The following CAPN3 variants were observed in gnomAD, a reference collection of about 807,000 sequenced individuals.
CAPN3 encodes the protein calpain 3, also known as calpain-3.
Under a neutral mutation model 114.0 loss-of-function variants are expected in CAPN3, and 88 were observed. The ratio of observed to expected loss-of-function variants is 0.77; its 90% CI spans 0.65 to 0.92. The LOEUF (loss-of-function observed/expected upper bound fraction) is 0.92. Among genes scored for constraint, CAPN3 ranks in the 40% least tolerant of loss-of-function variants. The pLI, the probability that CAPN3 is intolerant of heterozygous loss-of-function variation, is 0.00. For missense variants in CAPN3, 1,028 were observed against 1,069.0 expected (o/e 0.96, Z 0.53); for synonymous variants, 386 against 382.9 (o/e 1.01, Z -0.09).
chr15:42,410,943 A>G lies in CAPN3; in HGVS notation c.2323A>G (p.Met775Val). The change falls in exon 22 of 24, where the codon ATG becomes GTG. Residue 775 changes from methionine to valine, a missense_variant. Met to Val is a conservative substitution (Grantham distance 21, BLOSUM62 1). Transcript: ENST00000397163. ...TACCATGCGGTACGCAGACAAACAC[A>G]TGAACATCGACTTTGACAGTTTCAT... ...IITMRYADKHMNIDFDSFICC... is the reference protein window; with the variant it reads ...IITMRYADKHVNIDFDSFICC... 6.2e-7 allele frequency: 1 copy of G among 1,614,164 alleles called. No individual in the cohort carries two copies. Among genetic ancestry groups the G allele is most frequent in the Non-Finnish European group, 8.5e-7 (1 of 1,179,978 alleles).
At chr15:42,387,008 C>T (rs1311997037) in intron 3 of CAPN3, among the ~76,000 whole-genome samples, 3 of 152,124 alleles carry the variant, frequency 2.0e-5, no homozygotes, top group Non-Finnish European at 2.9e-5. Flanking sequence ...CACCTCAGCA[C>T]GGAAGGCCTC....
chr15:42,382,166 C>T (rs2053266397), intron 1 of CAPN3, among the ~76,000 whole-genome samples: 1 of 151,974 alleles, frequency 6.6e-6, no homozygotes, highest in African/African-American at 2.4e-5. Context: ...TAATGTTTTC[C>T]CCTTAAAAGT....
At chr15:42,398,638 T>C (rs978763594) in intron 9 of CAPN3, among the ~76,000 whole-genome samples, 24 of 137,994 alleles carry the variant, frequency 1.7e-4, no homozygotes, top group African/African-American at 2.7e-4. Flanking sequence ...CACACACATA[T>C]ATATACACAC....
rs112031122 is a variant in CAPN3 at position 42,380,704 on chromosome 15, C to T, written c.310-3779C>T. 7.5e-3 allele frequency among the ~76,000 whole-genome samples: 1,047 copies of T among 139,930 alleles called. 13 individuals carry two copies. The highest frequency in any genetic ancestry group is 0.04 in the Middle Eastern group (11 of 272). The allele number at this position is 139,930 out of a possible 152,430, so 91.8% of individuals were successfully genotyped here. Reference sequence around the variant, plus strand: ...TGGCATTCCTGTGACACAGTTCAAACGGGGTCTCTCCCCCCACCTTCCCCA... The same window carrying T: ...TGGCATTCCTGTGACACAGTTCAAATGGGGTCTCTCCCCCCACCTTCCCCA... On this transcript the variant is annotated intron_variant, in intron 1 of 23. Transcript: ENST00000397163.
chr15:42,411,648 G>A, intron 23 of CAPN3, 99 bp from the exon 24 acceptor site: 1 of 726,114 alleles, frequency 1.4e-6, no homozygotes, highest in South Asian at 1.4e-5. Context: ...TGACCTGCTG[G>A]GACTGTTCCC....
At chr15:42,406,872 T>G (rs1334964699) in intron 15 of CAPN3, among the ~76,000 whole-genome samples, 1 of 152,086 alleles carries the variant, frequency 6.6e-6, no homozygotes, top group East Asian at 1.9e-4. Context: ...AGACACTGCT[T>G]AGAAGGCAGA....
At chr15:42,407,938 A>C (rs980812970) in intron 15 of CAPN3, among the ~76,000 whole-genome samples, 2 of 152,214 alleles carry the variant, frequency 1.3e-5, no homozygotes, top group Admixed American at 6.5e-5. Flanking sequence ...TCACTGCACT[A>C]GATCATGCTG....
intron 3 of CAPN3, among the ~76,000 whole-genome samples, chr15:42,387,406 CT>C (rs1453428675): frequency 3.3e-5 from 5 of 152,196 alleles, no homozygotes; most frequent in Non-Finnish European, 7.3e-5. Context: ...CTGGGGGCAC[CT>C]GAGAGTGCTG....
intron 1 of CAPN3, among the ~76,000 whole-genome samples, chr15:42,370,367 A>G (rs1321942681): frequency 6.6e-6 from 1 of 152,114 alleles, no homozygotes; most frequent in Admixed American, 6.6e-5. Flanking sequence ...AAAAAAAGTT[A>G]CTCCATGCCA....
At chr15:42,407,496 T>A (rs1223283735) in intron 15 of CAPN3, among the ~76,000 whole-genome samples, 1 of 152,108 alleles carries the variant, frequency 6.6e-6, no homozygotes, top group African/African-American at 2.4e-5. Context: ...ACCCAGCTAA[T>A]TTTTTTGTAT....
chr15:42,396,949 C>T, intron 9 of CAPN3, 72 bp downstream of exon 9: 1 of 1,108,308 alleles, frequency 9.0e-7, no homozygotes, highest in Non-Finnish European at 1.4e-6. Context: ...GACCTCAGTC[C>T]CCAGCTAAGG....
chr15:42,386,590 G>C (rs911778256), intron 3 of CAPN3, among the ~76,000 whole-genome samples: 1 of 152,130 alleles, frequency 6.6e-6, no homozygotes, highest in African/African-American at 2.4e-5. Context: ...CCCTTCTCAA[G>C]TAGGTCCCTA....
intron 23 of CAPN3, 144 bp downstream of exon 23, chr15:42,411,489 C>T (rs953465834): frequency 1.2e-6 from 1 of 855,752 alleles, no homozygotes; most frequent in Non-Finnish European, 2.0e-6. Context: ...GAGGGAGGCT[C>T]AGCAGGCTCC....
chr15:42,398,649 A>G (rs1250420558), intron 9 of CAPN3, among the ~76,000 whole-genome samples: 12 of 148,344 alleles, frequency 8.1e-5, no homozygotes, highest in African/African-American at 2.9e-4. Context: ...ATATACACAC[A>G]TATATATACA....
intron 1 of CAPN3, among the ~76,000 whole-genome samples, chr15:42,361,758 C>T (rs1200812807): frequency 6.6e-6 from 1 of 152,202 alleles, no homozygotes; most frequent in Admixed American, 6.5e-5. Flanking sequence ...CCTGTCCAGG[C>T]CCATGTCCAT....
chr15:42,393,319 G>C (rs1380002569), intron 7 of CAPN3, among the ~76,000 whole-genome samples: 1 of 151,886 alleles, frequency 6.6e-6, no homozygotes, highest in Non-Finnish European at 1.5e-5. Flanking sequence ...TTCTTTTTTT[G>C]AATATTTTTG....
intron 8 of CAPN3, among the ~76,000 whole-genome samples, chr15:42,396,372 A>G (rs559069633): frequency 6.6e-6 from 1 of 151,522 alleles, no homozygotes; most frequent in Admixed American, 6.6e-5. Context: ...CCTCCTGAGT[A>G]GCTGAGACTA....
At chr15:42,387,651 T>A in intron 3 of CAPN3, 102 bp from the exon 4 acceptor site, 1 of 1,409,616 alleles carries the variant, frequency 7.1e-7, no homozygotes, top group Non-Finnish European at 1.0e-6. Context: ...CAGGAAATGA[T>A]GCTGCTTTGG....
chr15:42,410,716 C>T, intron 21 of CAPN3, 50 bp downstream of exon 21: 2 of 1,513,666 alleles, frequency 1.3e-6, no homozygotes, highest in Non-Finnish European at 1.8e-6. Flanking sequence ...ACGGTGGGAG[C>T]AGGAATGGGA....
Sources: gnomAD v4.1 joint callset for allele counts (sites outside exome capture counted in the v4.1 genomes callset) on GRCh38, gnomAD v4.1.1 for gene constraint, MANE v1.5 for transcripts, NCBI Gene and HGNC (gene_info 2026-07-23, HGNC 2026-07-21) for gene names.